SEMA3E: variants seen among roughly 807,000 people sequenced by gnomAD.
SEMA3E encodes semaphorin 3E.
SEMA3E carries 49 observed loss-of-function variants against 93.6 expected under a neutral mutation model. The ratio of observed to expected loss-of-function variants is 0.52; its 90% CI spans 0.42 to 0.66. SEMA3E has a LOEUF of 0.66. Ranked by LOEUF, SEMA3E falls within the 30% of genes least tolerant of loss-of-function variation. The pLI is 0.00. For synonymous variants in SEMA3E, 363 were observed against 330.7 expected, an observed-to-expected ratio of 1.10 and a Z score of -1.06; for missense variants, 906 against 964.8, an observed-to-expected ratio of 0.94 and a Z score of 0.81.
At chr7:83,495,570 GA>G (rs1408159349) in intron 1 of SEMA3E, among the ~76,000 whole-genome samples, 4 of 151,800 alleles carry the variant, frequency 2.6e-5, no homozygotes, top group South Asian at 2.1e-4. Context: ...GAAACATGGG[GA>G]AAAACATACA....
intron 4 of SEMA3E, among the ~76,000 whole-genome samples, chr7:83,455,925 G>C (rs376419966): frequency 5.9e-5 from 9 of 152,302 alleles, no homozygotes; most frequent in African/African-American, 7.2e-5. Flanking sequence ...GCTCCAGAAA[G>C]ATTGCAACAC....
chr7:83,588,837 A>G (rs1678662448), intron 1 of SEMA3E, among the ~76,000 whole-genome samples: 1 of 152,154 alleles, frequency 6.6e-6, no homozygotes, highest in South Asian at 2.1e-4. Context: ...TGAAAACCTC[A>G]TCCCCAAATC....
At chr7:83,524,997 T>C (rs1791126037) in intron 1 of SEMA3E, among the ~76,000 whole-genome samples, 1 of 152,026 alleles carries the variant, frequency 6.6e-6, no homozygotes. Flanking sequence ...TACTCTTTCT[T>C]GGCTAATCAT....
At chr7:83,449,552 C>G (rs1371797135) in intron 4 of SEMA3E, among the ~76,000 whole-genome samples, 6 of 151,920 alleles carry the variant, frequency 3.9e-5, no homozygotes, top group South Asian at 2.1e-4. Flanking sequence ...ATCTAAACTA[C>G]AGAGACAAAA....
chr7:83,447,666 T>C (rs1349246580), intron 4 of SEMA3E, among the ~76,000 whole-genome samples: 2 of 152,196 alleles, frequency 1.3e-5, no homozygotes, highest in Non-Finnish European at 2.9e-5. Context: ...AGAAAAGATA[T>C]TTAGCAAGAG....
chr7:83,407,308 A>G, intron 6 of SEMA3E, 69 bp from the exon 7 acceptor site: 2 of 1,256,132 alleles, frequency 1.6e-6, no homozygotes, highest in Non-Finnish European at 2.3e-6. Flanking sequence ...AGTTATTCCA[A>G]TAAATTGTAT....
chr7:83,624,054 T>C (rs1285825153), intron 1 of SEMA3E, among the ~76,000 whole-genome samples: 1 of 152,234 alleles, frequency 6.6e-6, no homozygotes, highest in African/African-American at 2.4e-5. Flanking sequence ...GGGCATGAAC[T>C]CATTCTTTTT....
intron 1 of SEMA3E, among the ~76,000 whole-genome samples, chr7:83,525,100 A>G (rs1480926894): frequency 6.6e-6 from 1 of 152,082 alleles, no homozygotes; most frequent in Non-Finnish European, 1.5e-5. Flanking sequence ...AACCGTGTTT[A>G]TTCAATGCCC....
intron 1 of SEMA3E, among the ~76,000 whole-genome samples, chr7:83,493,131 CA>C (rs1411205987): frequency 6.6e-6 from 1 of 151,640 alleles, no homozygotes; most frequent in Non-Finnish European, 1.5e-5. Flanking sequence ...TAAAACAGTG[CA>C]AAAAAAGAAG....
chr7:83,464,549 C>A (rs1221142444), intron 4 of SEMA3E, among the ~76,000 whole-genome samples: 1 of 137,346 alleles, frequency 7.3e-6, no homozygotes, highest in Non-Finnish European at 1.6e-5. Flanking sequence ...AATAAATAAT[C>A]TTTGCTGGCA....
intron 2 of SEMA3E, among the ~76,000 whole-genome samples, chr7:83,478,101 T>C (rs10262904): frequency 0.1 from 15,495 of 152,146 alleles, 898 homozygotes; most frequent in East Asian, 0.21. Flanking sequence ...TTTTGTATTT[T>C]TAGTAGAGAT....
intron 10 of SEMA3E, among the ~76,000 whole-genome samples, chr7:83,401,966 C>A (rs1788241311): frequency 6.6e-6 from 1 of 152,016 alleles, no homozygotes; most frequent in Non-Finnish European, 1.5e-5. Context: ...CAGTTTTAGC[C>A]ATGTGTGCTA....
chr7:83,400,167 TG>T lies in SEMA3E; in HGVS notation c.1226del (p.Pro409HisfsTer2). On this transcript the variant is annotated frameshift_variant, in exon 11 of 17. Coordinates refer to ENST00000643230, the MANE Select transcript of SEMA3E (RefSeq NM_012431.3). LOFTEE classifies it high-confidence loss of function. Reference sequence around the variant, plus strand: ...CAGGTTTTATGGCCTGGTACATTAGTGGATGACTTCTTGCAAATCGGATGGC... The same window carrying T: ...CAGGTTTTATGGCCTGGTACATTAGTGATGACTTCTTGCAAATCGGATGGC... The part of the protein sequence containing the change: ...DDAIRFARSH[P>X]LMYQAIKPAH... 6.2e-7 allele frequency: 1 copy of T among 1,614,054 alleles called. No homozygotes were observed. The highest frequency in any genetic ancestry group is 2.2e-5 in the East Asian group (1 of 44,840).
At chr7:83,373,408 A>C in intron 16 of SEMA3E, among the ~76,000 whole-genome samples, 1 of 152,224 alleles carries the variant, frequency 6.6e-6, no homozygotes, top group South Asian at 2.1e-4. Flanking sequence ...ACACATACAT[A>C]TGTATATATA....
At chr7:83,545,811 A>G (rs1791637057) in intron 1 of SEMA3E, among the ~76,000 whole-genome samples, 1 of 137,642 alleles carries the variant, frequency 7.3e-6, no homozygotes, top group Non-Finnish European at 1.6e-5. Flanking sequence ...ATATATATCC[A>G]GTATTATATA....
At chr7:83,600,134 T>C (rs539961370) in intron 1 of SEMA3E, among the ~76,000 whole-genome samples, 1 of 152,242 alleles carries the variant, frequency 6.6e-6, no homozygotes, top group African/African-American at 2.4e-5. Flanking sequence ...AACAGACTTT[T>C]CTATTCTTAT....
chr7:83,406,529 ACAC>A (rs1410003368), intron 7 of SEMA3E, among the ~76,000 whole-genome samples: 3 of 151,852 alleles, frequency 2.0e-5, no homozygotes, highest in Non-Finnish European at 4.4e-5. Flanking sequence ...TACACCACAC[ACAC>A]AATATATATA....
rs1445457609 is a variant in SEMA3E at position 83,516,944 on chromosome 7, T to TA, written c.116-26671_116-26670insT. 8.2e-5 allele frequency among the ~76,000 whole-genome samples: 12 copies of TA among 145,512 alleles called. No homozygotes were observed. In the South Asian group the frequency reaches 8.9e-4, roughly 11 times the overall value. On this transcript the variant is annotated intron_variant, in intron 1 of 16. Coordinates refer to ENST00000643230, the MANE Select transcript of SEMA3E (RefSeq NM_012431.3). The stretch of plus-strand genomic sequence containing the variant: ...ATTTATTGAGTATATATAGCATATA[T>TA]TTATATATATATATGTATATAAAAT...
At chr7:83,398,240 A>G (rs1307513152) in intron 11 of SEMA3E, among the ~76,000 whole-genome samples, 1 of 152,162 alleles carries the variant, frequency 6.6e-6, no homozygotes, top group Non-Finnish European at 1.5e-5. Context: ...ATGACAAGCA[A>G]GTATTTCTAA....
Sources: allele counts gnomAD v4.1 joint callset (sites outside exome capture counted in the v4.1 genomes callset), GRCh38; gene constraint gnomAD v4.1.1; transcripts MANE v1.5; gene names NCBI Gene and HGNC (gene_info 2026-07-23, HGNC 2026-07-21).